KIF4A: variants seen among roughly 807,000 people sequenced by gnomAD.
The protein encoded by KIF4A is kinesin family member 4A.
Under a neutral mutation model 105.9 loss-of-function variants are expected in KIF4A, and 7 were observed. That is an observed-to-expected ratio of 0.07 (90% CI 0.04 to 0.12). The LOEUF is 0.12. KIF4A is among the 10% of genes least tolerant of loss of function. The pLI, the probability that KIF4A is intolerant of heterozygous loss-of-function variation, is 1.00. For synonymous variants in KIF4A, 281 were observed against 331.3 expected, an observed-to-expected ratio of 0.85 and a Z score of 1.65; for missense variants, 558 against 929.2, an observed-to-expected ratio of 0.60 and a Z score of 5.19.
chrX:70,370,419 CT>C (rs2086125807), intron 15 of KIF4A, among the ~76,000 whole-genome samples: 1 of 104,956 alleles, frequency 9.5e-6, no homozygotes, highest in African/African-American at 3.5e-5. Context: ...TATGTTACTT[CT>C]ATAAGTAAAA....
In KIF4A at chrX:70,420,386, A is replaced by G; in HGVS notation, c.*121A>G. 1 of 966,509 alleles carries G rather than the reference A, an allele frequency of 1.0e-6. No homozygotes were observed. The highest frequency in any genetic ancestry group is 1.4e-6 in the Non-Finnish European group (1 of 723,205). 79.7% of individuals were successfully genotyped at this position (966,509 alleles called of 1,213,427 possible). A position where few individuals can be genotyped will look rare whatever the true frequency, so the allele number is the denominator to read the frequency against. ...GTTTCTTGCTGTTGAAAAAAGGAACAAAGCGTTACTGAAAAGAAGGTAACC... is the reference window on the plus strand; with the variant it reads ...GTTTCTTGCTGTTGAAAAAAGGAACGAAGCGTTACTGAAAAGAAGGTAACC... On this transcript the variant is annotated 3_prime_UTR_variant, in exon 31 of 31. Transcript: ENST00000374403.
intron 1 of KIF4A, 88 bp downstream of exon 1, chrX:70,290,238 T>G: frequency 8.0e-6 from 3 of 375,887 alleles, no homozygotes; most frequent in Non-Finnish European, 8.8e-6. Flanking sequence ...CCCGTTGGAG[T>G]TTTTTCTTTG....
chrX:70,341,480 A>G (rs1569236842), intron 10 of KIF4A, among the ~76,000 whole-genome samples: 1 of 111,509 alleles, frequency 9.0e-6, no homozygotes, highest in Non-Finnish European at 1.9e-5. Context: ...CTTCATACCT[A>G]CAGGACACAA....
intron 29 of KIF4A, 65 bp downstream of exon 29, chrX:70,418,069 T>C: frequency 1.1e-6 from 1 of 940,888 alleles, no homozygotes. Flanking sequence ...ACCCTCTTTT[T>C]CTGCCTTCCA....
At chrX:70,295,414 A>C (rs1446915910) in intron 3 of KIF4A, among the ~76,000 whole-genome samples, 1 of 108,578 alleles carries the variant, frequency 9.2e-6, no homozygotes, top group Non-Finnish European at 1.9e-5. Flanking sequence ...ACCTCAAGCG[A>C]TCTGCCCGCC....
chrX:70,387,818 A>G (rs1404900149), intron 20 of KIF4A, among the ~76,000 whole-genome samples: 1 of 111,911 alleles, frequency 8.9e-6, no homozygotes, highest in Non-Finnish European at 1.9e-5. Flanking sequence ...CAGTAAGCCA[A>G]GATCGCACCA....
intron 28 of KIF4A, among the ~76,000 whole-genome samples, chrX:70,417,595 G>A (rs1050666471): frequency 2.7e-5 from 3 of 111,561 alleles, no homozygotes; most frequent in African/African-American, 3.3e-5. Flanking sequence ...TGCAGTGAGC[G>A]GAGATCGTGC....
At chrX:70,354,973 G>A (rs2086045213) in intron 15 of KIF4A, among the ~76,000 whole-genome samples, 1 of 111,703 alleles carries the variant, frequency 9.0e-6, no homozygotes, top group Admixed American at 9.5e-5. Context: ...AGGAGGAACT[G>A]GGGGTTTAAG....
At chrX:70,292,152 C>A (rs1344052917) in intron 3 of KIF4A, among the ~76,000 whole-genome samples, 1 of 111,553 alleles carries the variant, frequency 9.0e-6, no homozygotes, top group African/African-American at 3.3e-5. Flanking sequence ...ATATTTCCTA[C>A]AAAAAAGGAC....
intron 7 of KIF4A, among the ~76,000 whole-genome samples, chrX:70,318,351 C>A (rs964779831): frequency 2.7e-5 from 3 of 112,290 alleles, no homozygotes; most frequent in African/African-American, 9.7e-5. Flanking sequence ...ACATTACATA[C>A]AGCTGTAGTT....
chrX:70,334,047 C>T lies in KIF4A; in HGVS notation c.1133+358C>T, dbSNP rs7886007. Among the ~76,000 whole-genome samples, 426 of 111,457 alleles carry T rather than the reference C, an allele frequency of 3.8e-3. 4 individuals are homozygous for T. The highest frequency in any genetic ancestry group is 0.013 in the African/African-American group (398 of 30,577). On this transcript the variant is annotated intron_variant, in intron 10 of 30. Transcript: ENST00000374403. Reference sequence around the variant, plus strand: ...TTGCTCAAATTGTTCCTGCTTTGTCCATTAGGAGCTCCTTCAGGTTGGCTC... The same window carrying T: ...TTGCTCAAATTGTTCCTGCTTTGTCTATTAGGAGCTCCTTCAGGTTGGCTC...
intron 1 of KIF4A, 108 bp from the exon 2 acceptor site, chrX:70,290,330 T>TC: frequency 1.0e-6 from 1 of 966,046 alleles, no homozygotes; most frequent in East Asian, 3.1e-5. Flanking sequence ...AGCGTGAATC[T>TC]CCCAAGTCAG....
chrX:70,316,579 TTACA>T (rs753758432), intron 7 of KIF4A, among the ~76,000 whole-genome samples: 115 of 91,746 alleles, frequency 1.3e-3, no homozygotes, highest in Non-Finnish European at 1.6e-3. Context: ...TATATGTGTA[TTACA>T]TACATATTAT....
intron 18 of KIF4A, among the ~76,000 whole-genome samples, chrX:70,384,613 A>G (rs1000593849): frequency 1.9e-4 from 21 of 109,718 alleles, no homozygotes; most frequent in African/African-American, 7.0e-4. Context: ...AATCCCAGCT[A>G]CTCAGGAGGC....
intron 7 of KIF4A, among the ~76,000 whole-genome samples, chrX:70,324,775 AG>A (rs1221985119): frequency 9.0e-6 from 1 of 111,670 alleles, no homozygotes; most frequent in Non-Finnish European, 1.9e-5. Context: ...TGAGTAACAA[AG>A]TAATACTTAT....
chrX:70,419,523 A>C lies in KIF4A; in HGVS notation c.3373-138A>C. 3 of 716,662 alleles carry C rather than the reference A, an allele frequency of 4.2e-6. No individual in the cohort carries two copies. In the South Asian group the frequency reaches 7.4e-5, roughly 18 times the overall value. The allele number at this position is 716,662 out of a possible 1,213,427, so 59.1% of individuals were successfully genotyped here. ...GCGTGTCAAACACTATGACCTCCCC[A>C]AGCAGGGCCTCCCTAAGACTTGCTT... is the stretch of plus-strand genomic sequence containing the variant. On this transcript the variant is annotated intron_variant, in intron 29 of 30. Transcript: ENST00000374403.
chrX:70,406,373 G>A lies in KIF4A; in HGVS notation c.3072+19G>A, dbSNP rs759354942. 1.7e-6 allele frequency: 2 copies of A among 1,143,874 alleles called. No homozygotes were observed. Among genetic ancestry groups the A allele is most frequent in the Admixed American group, 4.4e-5 (2 of 45,777 alleles). 94.3% of individuals were successfully genotyped at this position (1,143,874 alleles called of 1,213,427 possible). Reference sequence around the variant, plus strand: ...ACCTAAGGTAAAATGATCAGTGCCTGTGATACCTTTGCACAGCTTAGGTTT... The same window carrying A: ...ACCTAAGGTAAAATGATCAGTGCCTATGATACCTTTGCACAGCTTAGGTTT... On this transcript the variant is annotated intron_variant, in intron 27 of 30. Coordinates refer to ENST00000374403, the MANE Select transcript of KIF4A (RefSeq NM_012310.5).
intron 13 of KIF4A, among the ~76,000 whole-genome samples, chrX:70,348,095 TGGTTG>T (rs1187581586): frequency 9.2e-6 from 1 of 108,454 alleles, no homozygotes; most frequent in South Asian, 4.2e-4. Flanking sequence ...TGAGCCTCAC[TGGTTG>T]GGAGTTTCTG....
chrX:70,311,685 G>A (rs1176852602), intron 7 of KIF4A, among the ~76,000 whole-genome samples: 1 of 111,367 alleles, frequency 9.0e-6, no homozygotes, highest in African/African-American at 3.3e-5. Flanking sequence ...CCTAGGTCAG[G>A]TTCAGTGACT....
Sources: allele counts gnomAD v4.1 joint callset (sites outside exome capture counted in the v4.1 genomes callset), GRCh38; gene constraint gnomAD v4.1.1; transcripts MANE v1.5; gene names NCBI Gene and HGNC (gene_info 2026-07-23, HGNC 2026-07-21).